Variants in HAUS6 observed in about 807,000 individuals in gnomAD.
HAUS6 encodes HAUS augmin like complex subunit 6.
A neutral mutation model predicts 106.8 loss-of-function variants in HAUS6; 80 were observed. The observed-to-expected ratio is 0.75, with a 90% CI of 0.63 to 0.90. The LOEUF is 0.90. HAUS6 is among the 40% of genes least tolerant of loss of function. The pLI, the probability that HAUS6 is intolerant of heterozygous loss-of-function variation, is 0.00. For synonymous variants in HAUS6, 356 were observed against 379.1 expected, an observed-to-expected ratio of 0.94 and a Z score of 0.71; for missense variants, 1,155 against 1,118.1, an observed-to-expected ratio of 1.03 and a Z score of -0.47.
At chr9:19,076,578 G>C (rs1002627966) in intron 11 of HAUS6, 24 bp downstream of exon 11, 7 of 1,072,492 alleles carry the variant, frequency 6.5e-6, no homozygotes, top group East Asian at 2.4e-5. Context: ...GTTTCAAAGA[G>C]AAAAAAATAA....
chr9:19,080,271 A>G (rs1176068242), intron 9 of HAUS6, among the ~76,000 whole-genome samples: 2 of 152,124 alleles, frequency 1.3e-5, no homozygotes, highest in African/African-American at 2.4e-5. Flanking sequence ...TCACAAAAAA[A>G]TTATTCAGGG....
intron 11 of HAUS6, 143 bp downstream of exon 11, chr9:19,076,459 A>C: frequency 1.5e-6 from 1 of 651,976 alleles, no homozygotes; most frequent in South Asian, 1.8e-5. Flanking sequence ...AATAACTGAA[A>C]TTGTGAATTT....
At chr9:19,102,031 T>A (rs1470255652) in intron 1 of HAUS6, among the ~76,000 whole-genome samples, 1 of 152,196 alleles carries the variant, frequency 6.6e-6, no homozygotes, top group Non-Finnish European at 1.5e-5. Context: ...TTTCCATACT[T>A]TTCTTAAAAG....
rs151296085 is a variant in HAUS6 at position 19,066,759 on chromosome 9, C to A, written c.1377-3179G>T. Reference sequence around the variant, plus strand: ...CTGAAACCCTAGCATTTTGGGAGGTCGGGGTGGGAGGATCACCTGAGCTCA... The same window carrying A: ...CTGAAACCCTAGCATTTTGGGAGGTAGGGGTGGGAGGATCACCTGAGCTCA... On this transcript the variant is annotated intron_variant, in intron 12 of 16. Coordinates refer to ENST00000380502, the MANE Select transcript of HAUS6 (RefSeq NM_017645.5). 1.1e-3 allele frequency among the ~76,000 whole-genome samples: 137 copies of A among 124,736 alleles called. 1 individual carries two copies. Among genetic ancestry groups the A allele is most frequent in the Middle Eastern group, 5.6e-3 (1 of 180 alleles). The allele number at this position is 124,736 out of a possible 152,430, so 81.8% of individuals were successfully genotyped here. A position where few individuals can be genotyped will look rare whatever the true frequency, so the allele number is the denominator to read the frequency against.
intron 12 of HAUS6, among the ~76,000 whole-genome samples, chr9:19,068,532 A>C (rs908067387): frequency 6.6e-6 from 1 of 152,236 alleles, no homozygotes; most frequent in African/African-American, 2.4e-5. Context: ...TTTTACAAAA[A>C]AAGTTTTAAC....
At chr9:19,100,166 C>T (rs1817956857) in intron 1 of HAUS6, among the ~76,000 whole-genome samples, 1 of 152,160 alleles carries the variant, frequency 6.6e-6, no homozygotes, top group African/African-American at 2.4e-5. Flanking sequence ...TGCACTCCCG[C>T]CTGGGCGACA....
chr9:19,080,474 T>C lies in HAUS6; in HGVS notation c.1064+5A>G, dbSNP rs777455076. ...ACAGTAAAATAACAGATCTTTTTAGTGTACCTCATATGTTTCAGATCTGAT... is the reference window on the plus strand; with the variant it reads ...ACAGTAAAATAACAGATCTTTTTAGCGTACCTCATATGTTTCAGATCTGAT... On this transcript the variant is annotated splice_donor_5th_base_variant and intron_variant, in intron 9 of 16. Coordinates refer to ENST00000380502, the MANE Select transcript of HAUS6 (RefSeq NM_017645.5). The C allele has an allele frequency of 4.4e-6, 7 of 1,583,948 alleles. No homozygotes were observed. Among genetic ancestry groups the C allele is most frequent in the Admixed American group, 1.7e-5 (1 of 59,780 alleles).
chr9:19,072,606 C>A (rs1836903627), intron 11 of HAUS6, among the ~76,000 whole-genome samples: 1 of 152,006 alleles, frequency 6.6e-6, no homozygotes, highest in Admixed American at 6.6e-5. Flanking sequence ...TCATGGAAGT[C>A]TGAAAGACAA....
At chr9:19,089,595 C>T (rs758650110) in intron 4 of HAUS6, 36 bp from the exon 5 acceptor site, 16 of 1,552,010 alleles carry the variant, frequency 1.0e-5, no homozygotes, top group Non-Finnish European at 1.4e-5. Flanking sequence ...AGAAAACAGG[C>T]TGGTCTGATA....
chr9:19,082,796 C>G (rs1248124447), intron 8 of HAUS6, 77 bp downstream of exon 8: 4 of 763,738 alleles, frequency 5.2e-6, no homozygotes, highest in Non-Finnish European at 7.8e-6. Flanking sequence ...ATTCTGAAAG[C>G]AGAAGAACAT....
intron 16 of HAUS6, 64 bp downstream of exon 16, chr9:19,057,897 G>T (rs781138678): frequency 2.2e-6 from 2 of 917,706 alleles, no homozygotes; most frequent in Admixed American, 2.5e-5. Context: ...TTGTGTACTG[G>T]TTTTATCAAA....
At chr9:19,065,526 C>T (rs927916441) in intron 12 of HAUS6, among the ~76,000 whole-genome samples, 2 of 152,190 alleles carry the variant, frequency 1.3e-5, no homozygotes, top group Non-Finnish European at 1.5e-5. Flanking sequence ...AAAATCACAA[C>T]CGTTTATACT....
Position 19,063,058 on chromosome 9 carries a change from C to T in HAUS6, c.1579G>A (p.Ala527Thr). The T allele has an allele frequency of 6.2e-7, 1 of 1,611,334 alleles. No homozygotes were observed. Among genetic ancestry groups the T allele is most frequent in the Non-Finnish European group, 8.5e-7 (1 of 1,179,316 alleles). Residue 527 changes from alanine (A) to threonine (T), a missense_variant, in exon 14 of 17, where the codon GCT becomes ACT. By Grantham distance (58) the Ala-to-Thr change is moderately conservative. Transcript: ENST00000380502. ...TTTTGAAATGGATCACTTTTTTTAG[C>T]TGGCAAAGACCCTCCAAATGCACTA... is the stretch of plus-strand genomic sequence containing the variant. Reference protein sequence around the residue: ...ESSAFGGSLPAKKSDPFQKEQ... With the variant: ...ESSAFGGSLPTKKSDPFQKEQ...
intron 4 of HAUS6, chr9:19,089,800 AC>A (rs1817706270): frequency 2.0e-6 from 1 of 492,968 alleles, no homozygotes; most frequent in Non-Finnish European, 3.6e-6. Context: ...CTAGTATACC[AC>A]AAACATATAA....
chr9:19,099,361 T>A (rs1239164354), intron 1 of HAUS6, among the ~76,000 whole-genome samples: 1 of 152,010 alleles, frequency 6.6e-6, no homozygotes, highest in Non-Finnish European at 1.5e-5. Flanking sequence ...AGAGATAGGG[T>A]TTCACCGTGT....
intron 4 of HAUS6, 69 bp from the exon 5 acceptor site, chr9:19,089,628 C>G (rs1431788765): frequency 8.5e-7 from 1 of 1,172,862 alleles, no homozygotes; most frequent in Non-Finnish European, 1.2e-6. Flanking sequence ...CAGAAATGAA[C>G]ATTAGTGTCA....
intron 3 of HAUS6, 91 bp downstream of exon 3, chr9:19,094,226 C>T: frequency 1.4e-6 from 1 of 703,768 alleles, no homozygotes; most frequent in Non-Finnish European, 2.5e-6. Flanking sequence ...AGCATTAAAG[C>T]ATTAAAAGGA....
chr9:19,074,244 C>CA (rs199871985), intron 11 of HAUS6, among the ~76,000 whole-genome samples: 5,321 of 149,916 alleles, frequency 0.035, 116 homozygotes, highest in Non-Finnish European at 0.051. Flanking sequence ...GATTCTGTCT[C>CA]AAAAAAAAAT....
intron 1 of HAUS6, among the ~76,000 whole-genome samples, chr9:19,099,968 T>A (rs141025359): frequency 0.035 from 5,286 of 152,212 alleles, 114 homozygotes; most frequent in Non-Finnish European, 0.051. Context: ...CCAAGGCAGG[T>A]GGATCACAAG....
Sources: allele counts gnomAD v4.1 joint callset (sites outside exome capture counted in the v4.1 genomes callset), GRCh38; gene constraint gnomAD v4.1.1; transcripts MANE v1.5; gene names NCBI Gene and HGNC (gene_info 2026-07-23, HGNC 2026-07-21).